KIRREL3: variants seen among roughly 807,000 people sequenced by gnomAD.
KIRREL3 encodes the protein kin of IRRE-like protein 3.
In KIRREL3, 36 loss-of-function variants were observed where a neutral mutation model predicts 89.7. The observed-to-expected ratio is 0.40, with a 90% CI of 0.31 to 0.53. The LOEUF (loss-of-function observed/expected upper bound fraction) is 0.53. KIRREL3 is among the 20% of genes least tolerant of loss of function. The pLI is 0.49. For synonymous variants in KIRREL3, 445 were observed against 441.4 expected, an observed-to-expected ratio of 1.01 and a Z score of -0.10; for missense variants, 864 against 1,056.6, an observed-to-expected ratio of 0.82 and a Z score of 2.53.
At chr11:126,760,988 C>A (rs1319490368) in intron 1 of KIRREL3, among the ~76,000 whole-genome samples, 1 of 152,198 alleles carries the variant, frequency 6.6e-6, no homozygotes, top group African/African-American at 2.4e-5. Context: ...CACTGACACC[C>A]TCCAGGACAG....
In KIRREL3 at chr11:126,587,954, T is replaced by TATAA. The variant is rs1336844413; in HGVS notation, c.56-25043_56-25042insTTAT. 6.6e-6 allele frequency among the ~76,000 whole-genome samples: 1 copy of TATAA among 151,968 alleles called. No homozygotes were observed. Among genetic ancestry groups the TATAA allele is most frequent in the Non-Finnish European group, 1.5e-5 (1 of 68,000 alleles). On this transcript the variant is annotated intron_variant, in intron 1 of 16. Transcript: ENST00000525144. This position sits in a 1 kb window ranked among gnomAD's most constrained non-coding sequence, Gnocchi z 5.2. ...GCAGAGGTCTGTCTTTGGAAGGCTT[T>TATAA]AGGAAGAAGGGAGAGGTGGACTGGA...
At chr11:126,691,610 T>C (rs1274699930) in intron 1 of KIRREL3, among the ~76,000 whole-genome samples, 1 of 152,094 alleles carries the variant, frequency 6.6e-6, no homozygotes, top group Non-Finnish European at 1.5e-5. Flanking sequence ...TTAAAAAAAA[T>C]ATATGTAGCA....
chr11:126,845,934 T>C (rs1009125302), intron 1 of KIRREL3, among the ~76,000 whole-genome samples: 1 of 152,042 alleles, frequency 6.6e-6, no homozygotes, highest in African/African-American at 2.4e-5. Flanking sequence ...ACAGACCTTG[T>C]TTGGGGGGAA....
chr11:126,942,539 G>A lies in KIRREL3; in HGVS notation c.55+57916C>T, dbSNP rs548670696. On this transcript the variant is annotated intron_variant, in intron 1 of 16. Coordinates refer to ENST00000525144, the MANE Select transcript of KIRREL3 (RefSeq NM_032531.4). ...AGTCCCGGCTGCCCAGGTCCATGTC[G>A]TCCCTGGCTCTTCCAGCTGGAGGGG... Among the ~76,000 whole-genome samples, 4 of 152,272 alleles carry A rather than the reference G, an allele frequency of 2.6e-5. No homozygotes were observed. In the South Asian group the frequency reaches 6.2e-4, roughly 24 times the overall value.
Position 126,783,476 on chromosome 11 carries a change from C to T in KIRREL3, c.55+216979G>A, listed in dbSNP as rs1950388647. 6.6e-6 allele frequency among the ~76,000 whole-genome samples: 1 copy of T among 152,128 alleles called. No individual in the cohort carries two copies. Among genetic ancestry groups the T allele is most frequent in the African/African-American group, 2.4e-5 (1 of 41,414 alleles). ...CATATTATATTTGAGGAGGAGGACACAATCCAACACATAACATATTCTCTT... is the reference window on the plus strand; with the variant it reads ...CATATTATATTTGAGGAGGAGGACATAATCCAACACATAACATATTCTCTT... On this transcript the variant is annotated intron_variant, in intron 1 of 16. Coordinates refer to ENST00000525144, the MANE Select transcript of KIRREL3 (RefSeq NM_032531.4). The surrounding 1 kb of genome is among the most constrained non-coding windows in gnomAD (Gnocchi z 4.3).
chr11:126,863,857 A>G lies in KIRREL3; in HGVS notation c.55+136598T>C, dbSNP rs139026528. 4.4e-3 allele frequency among the ~76,000 whole-genome samples: 668 copies of G among 152,316 alleles called. 7 individuals are homozygous for G. Among genetic ancestry groups the G allele is most frequent in the South Asian group, 0.017 (80 of 4,828 alleles). On this transcript the variant is annotated intron_variant, in intron 1 of 16. Coordinates refer to ENST00000525144, the MANE Select transcript of KIRREL3 (RefSeq NM_032531.4). The stretch of plus-strand genomic sequence containing the variant: ...CTCTGCCCTGCCTCCCTCCCGTGCC[A>G]AAGCTCACACAACAAAGGTAGGCTG...
rs551366172 is a variant in KIRREL3 at position 126,564,736 on chromosome 11, A to C, written c.56-1824T>G. 1.2e-4 allele frequency among the ~76,000 whole-genome samples: 18 copies of C among 152,028 alleles called. No homozygotes were observed. Among genetic ancestry groups the C allele is most frequent in the African/African-American group, 4.3e-4 (18 of 41,400 alleles). On this transcript the variant is annotated intron_variant, in intron 1 of 16. Transcript: ENST00000525144. The surrounding 1 kb of genome is among the most constrained non-coding windows in gnomAD (Gnocchi z 7.4). The stretch of plus-strand genomic sequence containing the variant: ...TGATGTTTACTTACTGTATTTGTGG[A>C]TTCTTTCTAACAACCACCTTCAAGA...
intron 1 of KIRREL3, among the ~76,000 whole-genome samples, chr11:126,874,165 G>A (rs1945197880): frequency 6.6e-6 from 1 of 152,068 alleles, no homozygotes. Context: ...TTCCCCATTG[G>A]CATTAGATCG....
In KIRREL3 at chr11:126,775,507, G is replaced by A. The variant is rs149528364; in HGVS notation, c.56-212595C>T. On this transcript the variant is annotated intron_variant, in intron 1 of 16. Transcript: ENST00000525144. ...TTTCATCCCCGTGACGACAGGCTTG[G>A]CCTTATTTGTGACCCTCCTTTCCAG... Among the ~76,000 whole-genome samples, 164 of 152,166 alleles carry A rather than the reference G, an allele frequency of 1.1e-3. 1 individual carries two copies. Among genetic ancestry groups the A allele is most frequent in the Non-Finnish European group, 2.1e-3 (142 of 68,010 alleles).
chr11:126,457,386 C>A (rs181694180), intron 6 of KIRREL3, among the ~76,000 whole-genome samples: 5 of 137,584 alleles, frequency 3.6e-5, no homozygotes. Context: ...TGTGTGTATG[C>A]GTGTGTGTGT....
Position 126,645,140 on chromosome 11 carries a change from G to A in KIRREL3, c.56-82228C>T, listed in dbSNP as rs546041537. Reference sequence around the variant, plus strand: ...ATCGCAAGAGGGGTGCAGACTGGGCGTTATGAAGGAAAAAGCTGGAGGAAG... The same window carrying A: ...ATCGCAAGAGGGGTGCAGACTGGGCATTATGAAGGAAAAAGCTGGAGGAAG... On this transcript the variant is annotated intron_variant, in intron 1 of 16. Transcript: ENST00000525144. This position sits in a 1 kb window ranked among gnomAD's most constrained non-coding sequence, Gnocchi z 4.9. 3.9e-4 allele frequency among the ~76,000 whole-genome samples: 59 copies of A among 152,282 alleles called. 1 individual carries two copies. In the South Asian group the frequency reaches 5.2e-3, roughly 13 times the overall value.
Position 126,918,528 on chromosome 11 carries a change from C to T in KIRREL3, c.55+81927G>A, listed in dbSNP as rs928397921. On this transcript the variant is annotated intron_variant, in intron 1 of 16. Coordinates refer to ENST00000525144, the MANE Select transcript of KIRREL3 (RefSeq NM_032531.4). The surrounding 1 kb of genome is among the most constrained non-coding windows in gnomAD (Gnocchi z 6.5). ...TTTTAATTAACTAGCTGAATTATTA[C>T]GTTTTTGCATAAACATTCTTCACCA... Among the ~76,000 whole-genome samples the T allele has an allele frequency of 9.8e-5, 15 of 152,300 alleles. No individual in the cohort carries two copies. The highest frequency in any genetic ancestry group is 2.9e-4 in the African/African-American group (12 of 41,570).
rs780037121 is a variant in KIRREL3 at position 126,456,466 on chromosome 11, GGA to G, written c.743-14_743-13del. 31 of 1,535,432 alleles carry G rather than the reference GGA, an allele frequency of 2.0e-5. No homozygotes were observed. The South Asian group carries it at 3.5e-4, about 17-fold the overall frequency. ...GACCAGTGGAGGGTCTGCAGGGAGAGGAGAGTCACTTGTAGACCGGAGAAAGA... is the reference window on the plus strand; with the variant it reads ...GACCAGTGGAGGGTCTGCAGGGAGAGGAGTCACTTGTAGACCGGAGAAAGA... On this transcript the variant is annotated splice_polypyrimidine_tract_variant and intron_variant, in intron 6 of 16. Transcript: ENST00000525144.
chr11:126,910,624 G>A (rs536924472), intron 1 of KIRREL3, among the ~76,000 whole-genome samples: 12 of 152,260 alleles, frequency 7.9e-5, no homozygotes, highest in Non-Finnish European at 1.6e-4. Flanking sequence ...TAGTGTATAC[G>A]CATCATATGG....
At chr11:126,863,436 CGT>C (rs1565362912) in intron 1 of KIRREL3, among the ~76,000 whole-genome samples, 3 of 60,532 alleles carry the variant, frequency 5.0e-5, no homozygotes, top group Non-Finnish European at 7.1e-5. Context: ...TGTGTGAGTG[CGT>C]GTGTGAGTGT....
rs1290886898 is a variant in KIRREL3, at chr11:126,653,454, A to G, written c.56-90542T>C. Reference sequence around the variant, plus strand: ...TTTGCTGTAAGATGGAGATAATGATACCTCATGGGGTTGTCATGAAATTCA... The same window carrying G: ...TTTGCTGTAAGATGGAGATAATGATGCCTCATGGGGTTGTCATGAAATTCA... On this transcript the variant is annotated intron_variant, in intron 1 of 16. Coordinates refer to ENST00000525144, the MANE Select transcript of KIRREL3 (RefSeq NM_032531.4). The surrounding 1 kb of genome is among the most constrained non-coding windows in gnomAD (Gnocchi z 5.4). Among the ~76,000 whole-genome samples, 2 of 152,104 alleles carry G rather than the reference A, an allele frequency of 1.3e-5. No homozygotes were observed. Among genetic ancestry groups the G allele is most frequent in the African/African-American group, 4.8e-5 (2 of 41,418 alleles).
chr11:126,914,340 C>T (rs185710481), intron 1 of KIRREL3, among the ~76,000 whole-genome samples: 1 of 152,302 alleles, frequency 6.6e-6, no homozygotes, highest in Non-Finnish European at 1.5e-5. Flanking sequence ...ATTCCCAGGA[C>T]TCTATGAAGT....
At chr11:126,692,028 G>A (rs1946895362) in intron 1 of KIRREL3, among the ~76,000 whole-genome samples, 1 of 152,162 alleles carries the variant, frequency 6.6e-6, no homozygotes, top group Non-Finnish European at 1.5e-5. Flanking sequence ...AGCAAATGTC[G>A]GTAAGAGCGT....
rs961326249 is a variant in KIRREL3, at chr11:126,565,805, C to A, written c.56-2893G>T. Among the ~76,000 whole-genome samples the A allele has an allele frequency of 6.6e-6, 1 of 152,008 alleles. No individual in the cohort carries two copies. Among genetic ancestry groups the A allele is most frequent in the East Asian group, 1.9e-4 (1 of 5,188 alleles). ...CCCAAGTGGGGAGGTGAATATTGTC[C>A]AAGCTACTAACCACAGAGAGAACCA... is the stretch of plus-strand genomic sequence containing the variant. On this transcript the variant is annotated intron_variant, in intron 1 of 16. Transcript: ENST00000525144. The surrounding 1 kb of genome is among the most constrained non-coding windows in gnomAD (Gnocchi z 5.4).
Sources: gnomAD v4.1 joint callset for allele counts (sites outside exome capture counted in the v4.1 genomes callset) on GRCh38, gnomAD v4.1.1 for gene constraint, Gnocchi (gnomAD v3.1) non-coding constraint, MANE v1.5 for transcripts, NCBI Gene and HGNC (gene_info 2026-07-23, HGNC 2026-07-21) for gene names.